NCBP2: variants seen among roughly 807,000 people sequenced by gnomAD.
NCBP2 encodes nuclear cap-binding protein subunit 2.
A neutral mutation model predicts 21.5 loss-of-function variants in NCBP2; 8 were observed. That is an observed-to-expected ratio of 0.37 (90% CI 0.22 to 0.67). NCBP2 has a LOEUF of 0.67. Ranked by LOEUF, NCBP2 falls within the 30% of genes least tolerant of loss-of-function variation. The probability of loss-of-function intolerance (pLI) is 0.56; values close to 1 mark genes in which losing one functional copy is unlikely to be tolerated. For missense variants in NCBP2, 127 were observed against 206.9 expected, an observed-to-expected ratio of 0.61 and a Z score of 2.37; for synonymous variants, 92 against 75.8, an observed-to-expected ratio of 1.21 and a Z score of -1.11.
intron 2 of NCBP2, 86 bp downstream of exon 2, chr3:196,939,165 T>C (rs1716408263): frequency 8.2e-7 from 1 of 1,222,952 alleles, no homozygotes; most frequent in Non-Finnish European, 1.2e-6. Context: ...AAGGAAAACG[T>C]AGGGACGAGT....
chr3:196,938,047 A>G lies in NCBP2; in HGVS notation c.261-399T>C, dbSNP rs149546418. ...ACGTGGAATTGTGCTGCACTTCACT[A>G]AAGGAAAGACTCAAGCTGTCACCAA... is the stretch of plus-strand genomic sequence containing the variant. On this transcript the variant is annotated intron_variant, in intron 2 of 3. Coordinates refer to ENST00000321256, the MANE Select transcript of NCBP2 (RefSeq NM_007362.5). 869 of 164,256 alleles carry G rather than the reference A, an allele frequency of 5.3e-3. 10 individuals carry two copies. Among genetic ancestry groups the G allele is most frequent in the African/African-American group, 0.019 (808 of 42,016 alleles). 10.2% of individuals were successfully genotyped at this position (164,256 alleles called of 1,614,324 possible).
rs1299820445 is a variant in NCBP2, at chr3:196,937,595, C to T, written c.314G>A (p.Arg105His). 3.1e-6 allele frequency: 5 copies of T among 1,614,072 alleles called. No homozygotes were observed. Among genetic ancestry groups the T allele is most frequent in the Non-Finnish European group, 1.7e-6 (2 of 1,180,056 alleles). The change falls in exon 3 of 4, where the codon CGT becomes CAT. Residue 105 changes from arginine to histidine, a missense_variant. By Grantham distance (29) the Arg-to-His change is conservative. Coordinates refer to ENST00000321256, the MANE Select transcript of NCBP2 (RefSeq NM_007362.5). ...ENAMRYINGT[R>H]LDDRIIRTDW... ...TGTGCGAATGATTCGGTCATCCAGA[C>T]GCGTCCCATTTATGTACCGCATGGC...
At chr3:196,941,069 C>G (rs1453752535) in intron 1 of NCBP2, 5 of 151,908 alleles carry the variant, frequency 3.3e-5, no homozygotes, top group African/African-American at 9.7e-5. Context: ...AAGCGAGACT[C>G]TGTCTCAAAA....
chr3:196,935,489 T>C lies in NCBP2; in HGVS notation c.*1522A>G, dbSNP rs1340411130. On this transcript the variant is annotated 3_prime_UTR_variant, in exon 4 of 4. Transcript: ENST00000321256. ...GTCTCCTGTAGAAATCTGAGTTATG[T>C]TGTTTTACTACAAAAGAATATAAAA... 6.6e-6 allele frequency: 1 copy of C among 152,234 alleles called. No homozygotes were observed. Among genetic ancestry groups the C allele is most frequent in the Non-Finnish European group, 1.5e-5 (1 of 68,048 alleles). The allele number at this position is 152,234 out of a possible 1,614,324, so 9.4% of individuals were successfully genotyped here.
At chr3:196,942,342 G>A in intron 1 of NCBP2, 84 bp downstream of exon 1, 1 of 1,551,704 alleles carries the variant, frequency 6.4e-7, no homozygotes, top group Non-Finnish European at 8.7e-7. Context: ...AGCTGAATGG[G>A]AGGCGACACA....
At chr3:196,939,032 A>G in intron 2 of NCBP2, 1 of 447,172 alleles carries the variant, frequency 2.2e-6, no homozygotes, top group Non-Finnish European at 3.9e-6. Context: ...GTGAAGGGCA[A>G]ACATTCTTGA....
At chr3:196,937,311 T>G (rs537678395) in intron 3 of NCBP2, 199 bp downstream of exon 3, 1 of 831,538 alleles carries the variant, frequency 1.2e-6, no homozygotes, top group Admixed American at 2.7e-5. Context: ...TGGTTGCTTG[T>G]TAGAAACGTA....
chr3:196,942,257 T>G (rs1716626538), intron 1 of NCBP2, 169 bp downstream of exon 1: 1 of 1,480,214 alleles, frequency 6.8e-7, no homozygotes, highest in Non-Finnish European at 8.9e-7. Flanking sequence ...TTCAGTGATA[T>G]CCAAGCGCCC....
intron 3 of NCBP2, 37 bp downstream of exon 3, chr3:196,937,473 C>T (rs1716317487): frequency 6.2e-7 from 1 of 1,608,134 alleles, no homozygotes; most frequent in African/African-American, 1.3e-5. Flanking sequence ...ACTGGAATCC[C>T]AGGCAATGGC....
rs1392535055 is a variant in NCBP2 at position 196,942,304 on chromosome 3, G to A, written c.78+122C>T. The A allele has an allele frequency of 3.9e-6, 6 of 1,523,520 alleles. No homozygotes were observed. In the East Asian group the frequency reaches 7.4e-5, roughly 19 times the overall value. The allele number at this position is 1,523,520 out of a possible 1,614,324, so 94.4% of individuals were successfully genotyped here. On this transcript the variant is annotated intron_variant, in intron 1 of 3. Transcript: ENST00000321256. ...ATTCCCTGCCTCGCCAGCAGGCACC[G>A]GGGCCCCACTTGGCGTTTGCGGATT...
chr3:196,937,775 A>G, intron 2 of NCBP2, 127 bp from the exon 3 acceptor site: 1 of 1,197,686 alleles, frequency 8.3e-7, no homozygotes, highest in East Asian at 2.4e-5. Flanking sequence ...AAAGACAGTA[A>G]TTCAGCTTGC....
chr3:196,936,181 T>C lies in NCBP2; in HGVS notation c.*830A>G, dbSNP rs1577859414. 2 of 152,216 alleles carry C rather than the reference T, an allele frequency of 1.3e-5. No individual in the cohort carries two copies. Among genetic ancestry groups the C allele is most frequent in the South Asian group, 2.1e-4 (1 of 4,832 alleles). The allele number at this position is 152,216 out of a possible 1,614,324, so 9.4% of individuals were successfully genotyped here. A position where few individuals can be genotyped will look rare whatever the true frequency, so the allele number is the denominator to read the frequency against. ...TCCCTCTATGACAAACCCTTGCTTT[T>C]TTTTAGCTTTAGGTATAACACTGAC... On this transcript the variant is annotated 3_prime_UTR_variant, in exon 4 of 4. Coordinates refer to ENST00000321256, the MANE Select transcript of NCBP2 (RefSeq NM_007362.5).
At chr3:196,942,213 A>T (rs891434044) in intron 1 of NCBP2, 1 of 1,459,158 alleles carries the variant, frequency 6.9e-7, no homozygotes, top group African/African-American at 1.4e-5. Flanking sequence ...GGGATAAGCG[A>T]GCCTCCAGTT....
intron 2 of NCBP2, chr3:196,938,253 T>C (rs6583190): frequency 0.81 from 123,068 of 152,218 alleles, 50,587 homozygotes; most frequent in African/African-American, 0.95. Flanking sequence ...TTGGGAAACC[T>C]GTGTATCCCC....
rs140892545 is a variant in NCBP2, at chr3:196,935,739, G to A, written c.*1272C>T. 57 of 152,288 alleles carry A rather than the reference G, an allele frequency of 3.7e-4. No homozygotes were observed. The highest frequency in any genetic ancestry group is 1.3e-3 in the African/African-American group (53 of 41,566). 9.4% of individuals were successfully genotyped at this position (152,288 alleles called of 1,614,324 possible). On this transcript the variant is annotated 3_prime_UTR_variant, in exon 4 of 4. Coordinates refer to ENST00000321256, the MANE Select transcript of NCBP2 (RefSeq NM_007362.5). ...TACTTTGTTGCTAAGTGAAAAAAAT[G>A]CACATTTTTTCATATCAGGGAAAAT...
chr3:196,942,030 C>G, intron 1 of NCBP2: 1 of 1,535,782 alleles, frequency 6.5e-7, no homozygotes, highest in Non-Finnish European at 8.7e-7. Flanking sequence ...CAAAAAGCCC[C>G]GCATCTGCAT....
chr3:196,941,960 C>T, intron 1 of NCBP2: 1 of 1,536,366 alleles, frequency 6.5e-7, no homozygotes, highest in Non-Finnish European at 8.7e-7. Context: ...TAACACCATC[C>T]TCCCAGAGAA....
At chr3:196,941,754 C>CT (rs1716586990) in intron 1 of NCBP2, 2 of 693,364 alleles carry the variant, frequency 2.9e-6, no homozygotes, top group African/African-American at 3.6e-5. Context: ...GCTGCCTCCC[C>CT]TTTTTCCACA....
rs1169578809 is a variant in NCBP2, at chr3:196,942,507, G to A, written c.-4C>T. 6 of 1,611,668 alleles carry A rather than the reference G, an allele frequency of 3.7e-6. No homozygotes were observed. The Admixed American group carries it at 5.0e-5, about 14-fold the overall frequency. On this transcript the variant is annotated 5_prime_UTR_variant, in exon 1 of 4. Transcript: ENST00000321256. Reference sequence around the variant, plus strand: ...CCTTCAGGAGGCCACCCGACATAGTGCAGAGAAGCGGACCACAATGCGGCG... The same window carrying A: ...CCTTCAGGAGGCCACCCGACATAGTACAGAGAAGCGGACCACAATGCGGCG...
Sources: gnomAD v4.1 joint callset for allele counts on GRCh38, gnomAD v4.1.1 for gene constraint, MANE v1.5 for transcripts, NCBI Gene and HGNC (gene_info 2026-07-23, HGNC 2026-07-21) for gene names.